Variants in NALF1 observed in about 807,000 individuals in gnomAD.
The protein encoded by NALF1 is family with sequence similarity 155 member A.
NALF1 carries 3 observed loss-of-function variants against 48.4 expected under a neutral mutation model. The ratio of observed to expected loss-of-function variants is 0.06; its 90% CI spans 0.03 to 0.16. The LOEUF (loss-of-function observed/expected upper bound fraction) is 0.16, where lower values mean the gene tolerates loss of function less well. NALF1 is among the 10% of genes least tolerant of loss of function. The pLI is 1.00. For missense variants in NALF1, 526 were observed against 571.5 expected, an observed-to-expected ratio of 0.92 and a Z score of 0.81; for synonymous variants, 262 against 245.7, an observed-to-expected ratio of 1.07 and a Z score of -0.62.
intron 1 of NALF1, among the ~76,000 whole-genome samples, chr13:107,727,857 A>G (rs1876202993): frequency 6.6e-6 from 1 of 152,220 alleles, no homozygotes; most frequent in African/African-American, 2.4e-5. Context: ...ACTGTATCCA[A>G]AAGTGGGCAA....
At chr13:107,521,879 C>A (rs1345723760) in intron 1 of NALF1, among the ~76,000 whole-genome samples, 2 of 151,034 alleles carry the variant, frequency 1.3e-5, no homozygotes, top group African/African-American at 4.9e-5. Context: ...AGAACTGGTT[C>A]TCCTTTTCTA....
At chr13:107,652,370 G>T (rs1239974456) in intron 1 of NALF1, among the ~76,000 whole-genome samples, 1 of 152,136 alleles carries the variant, frequency 6.6e-6, no homozygotes, top group Non-Finnish European at 1.5e-5. Flanking sequence ...TAGAGAAATA[G>T]TTATGGTTCT....
intron 1 of NALF1, among the ~76,000 whole-genome samples, chr13:107,268,433 C>G (rs1333486983): frequency 6.6e-6 from 1 of 152,150 alleles, no homozygotes; most frequent in Non-Finnish European, 1.5e-5. Context: ...CCCACACACA[C>G]ACACATACTC....
chr13:107,473,019 C>A (rs957173662), intron 1 of NALF1, among the ~76,000 whole-genome samples: 1 of 152,200 alleles, frequency 6.6e-6, no homozygotes, highest in Non-Finnish European at 1.5e-5. Flanking sequence ...CACTTTCCCA[C>A]TTTTCCTGAA....
At chr13:107,462,566 G>A (rs1001255780) in intron 1 of NALF1, among the ~76,000 whole-genome samples, 4 of 152,198 alleles carry the variant, frequency 2.6e-5, no homozygotes, top group African/African-American at 9.6e-5. Flanking sequence ...GGCTGCCCAA[G>A]CCCTGCCCAT....
intron 1 of NALF1, among the ~76,000 whole-genome samples, chr13:107,664,926 G>T (rs1880819431): frequency 6.6e-6 from 1 of 151,388 alleles, no homozygotes. Context: ...TTCAACTGTT[G>T]ATCATACAAA....
At chr13:107,585,291 C>T (rs1878423211) in intron 1 of NALF1, among the ~76,000 whole-genome samples, 1 of 151,200 alleles carries the variant, frequency 6.6e-6, no homozygotes, top group Non-Finnish European at 1.5e-5. Context: ...ACCAAACAAA[C>T]CAAATCAAGG....
chr13:107,265,962 A>G (rs1224253351), intron 1 of NALF1, among the ~76,000 whole-genome samples: 1 of 152,226 alleles, frequency 6.6e-6, no homozygotes, highest in Non-Finnish European at 1.5e-5. Flanking sequence ...GCTGGGAAAT[A>G]GTTATTTCAG....
At chr13:107,409,936 G>A (rs866171132) in intron 1 of NALF1, among the ~76,000 whole-genome samples, 10 of 152,094 alleles carry the variant, frequency 6.6e-5, no homozygotes, top group African/African-American at 9.7e-5. Flanking sequence ...CCCAATCATT[G>A]CCAGCAAAGC....
chr13:107,346,148 A>T (rs1882767333), intron 1 of NALF1, among the ~76,000 whole-genome samples: 1 of 151,432 alleles, frequency 6.6e-6, no homozygotes, highest in Non-Finnish European at 1.5e-5. Flanking sequence ...GAAACGGGAA[A>T]CATTGCGTAC....
At chr13:107,680,578 A>G (rs149909817) in intron 1 of NALF1, among the ~76,000 whole-genome samples, 8 of 149,840 alleles carry the variant, frequency 5.3e-5, no homozygotes, top group African/African-American at 2.0e-4. Flanking sequence ...GAATGAGGGT[A>G]TGTGACTGTG....
chr13:107,653,296 G>T (rs1392106448), intron 1 of NALF1, among the ~76,000 whole-genome samples: 3 of 149,726 alleles, frequency 2.0e-5, no homozygotes, highest in Non-Finnish European at 4.5e-5. Context: ...TTTATCGTAG[G>T]GGGAGAAGGA....
At chr13:107,634,914 G>A (rs1449151188) in intron 1 of NALF1, among the ~76,000 whole-genome samples, 1 of 152,136 alleles carries the variant, frequency 6.6e-6, no homozygotes, top group Non-Finnish European at 1.5e-5. Flanking sequence ...TTTTAGGAAA[G>A]TGCTAGGAAT....
intron 1 of NALF1, among the ~76,000 whole-genome samples, chr13:107,665,596 T>A (rs1880837354): frequency 1.3e-5 from 2 of 152,118 alleles, no homozygotes; most frequent in African/African-American, 4.8e-5. Context: ...CAATTCTGAG[T>A]AAACTATAAT....
intron 2 of NALF1, among the ~76,000 whole-genome samples, chr13:107,183,935 T>C (rs1375783430): frequency 6.6e-6 from 1 of 152,080 alleles, no homozygotes; most frequent in Non-Finnish European, 1.5e-5. Context: ...TACCACTGTC[T>C]GGTTTCAACA....
At chr13:107,631,690 G>A (rs1258499416) in intron 1 of NALF1, among the ~76,000 whole-genome samples, 8 of 152,000 alleles carry the variant, frequency 5.3e-5, no homozygotes, top group Admixed American at 2.6e-4. Flanking sequence ...CAGGCTTGCC[G>A]AGACCTCAAG....
chr13:107,171,600 A>C (rs2138763561), intron 2 of NALF1, among the ~76,000 whole-genome samples: 1 of 152,298 alleles, frequency 6.6e-6, no homozygotes, highest in South Asian at 2.1e-4. Flanking sequence ...GATAACACAC[A>C]TTGTTCTTAT....
At chr13:107,533,569 C>A (rs1038512751) in intron 1 of NALF1, among the ~76,000 whole-genome samples, 3 of 152,088 alleles carry the variant, frequency 2.0e-5, no homozygotes, top group Non-Finnish European at 4.4e-5. Flanking sequence ...TTATAAAGTA[C>A]ACAGTGTATG....
At chr13:107,430,985 C>T (rs1010990378) in intron 1 of NALF1, among the ~76,000 whole-genome samples, 12 of 152,098 alleles carry the variant, frequency 7.9e-5, no homozygotes, top group African/African-American at 1.7e-4. Flanking sequence ...TTTTAATGAT[C>T]GCCATTCTAA....
Sources: allele counts gnomAD v4.1 joint callset (sites outside exome capture counted in the v4.1 genomes callset), GRCh38; gene constraint gnomAD v4.1.1; transcripts MANE v1.5; gene names NCBI Gene and HGNC (gene_info 2026-07-23, HGNC 2026-07-21).